Variants in ABCA13 observed in about 807,000 individuals in gnomAD.
ABCA13 encodes ATP-binding cassette sub-family A member 13.
In ABCA13, 476 loss-of-function variants were observed where a neutral mutation model predicts 478.7. The observed-to-expected ratio is 0.99, with a 90% CI of 0.92 to 1.07. The LOEUF is 1.07. Among genes scored for constraint, ABCA13 ranks in the 50% least tolerant of loss-of-function variants. The pLI is 0.00. For synonymous variants in ABCA13, 2,252 were observed against 2,158.9 expected (o/e 1.04, Z -1.20); for missense variants, 6,060 against 5,910.6 (o/e 1.03, Z -0.83).
chr7:48,371,147 T>G (rs1296727312), intron 32 of ABCA13, among the ~76,000 whole-genome samples: 4 of 152,216 alleles, frequency 2.6e-5, no homozygotes, highest in Non-Finnish European at 5.9e-5. Context: ...TGTGTCTGTT[T>G]TTGCTCCAGT....
chr7:48,226,644 T>C (rs899215603), intron 5 of ABCA13, among the ~76,000 whole-genome samples: 1 of 152,172 alleles, frequency 6.6e-6, no homozygotes, highest in African/African-American at 2.4e-5. Flanking sequence ...TGGGATGTCA[T>C]GGAGCATTGG....
chr7:48,371,900 A>G (rs1023470483), intron 32 of ABCA13, among the ~76,000 whole-genome samples: 12 of 152,178 alleles, frequency 7.9e-5, no homozygotes, highest in African/African-American at 2.9e-4. Context: ...GCTTTTGTCC[A>G]TTCAGTATGA....
At chr7:48,460,595 G>A (rs537398629) in intron 43 of ABCA13, among the ~76,000 whole-genome samples, 68 of 152,262 alleles carry the variant, frequency 4.5e-4, no homozygotes, top group East Asian at 4.2e-3. Flanking sequence ...AACTCATTCC[G>A]AATAAGATCA....
chr7:48,195,722 C>G (rs1797836493), intron 2 of ABCA13, among the ~76,000 whole-genome samples: 8 of 152,048 alleles, frequency 5.3e-5, no homozygotes, highest in Admixed American at 5.2e-4. Flanking sequence ...AGAACATAGG[C>G]CTCAAGAAGA....
chr7:48,616,071 T>C (rs2131570743), intron 59 of ABCA13, among the ~76,000 whole-genome samples: 1 of 122,428 alleles, frequency 8.2e-6, no homozygotes, highest in Non-Finnish European at 1.7e-5. Context: ...TTGTTTAACC[T>C]GTCATTCTAT....
At chr7:48,329,301 T>G (rs879837284) in intron 27 of ABCA13, among the ~76,000 whole-genome samples, 1 of 152,200 alleles carries the variant, frequency 6.6e-6, no homozygotes, top group Admixed American at 6.5e-5. Context: ...TTTGAAGGCT[T>G]GGAATTTGGT....
chr7:48,564,422 A>C (rs1786810905), intron 55 of ABCA13, among the ~76,000 whole-genome samples: 1 of 150,434 alleles, frequency 6.6e-6, no homozygotes, highest in African/African-American at 2.5e-5. Context: ...TGATAGCTGT[A>C]GTTTCAACTT....
intron 3 of ABCA13, among the ~76,000 whole-genome samples, chr7:48,203,296 C>T (rs1179611587): frequency 6.6e-6 from 1 of 152,224 alleles, no homozygotes; most frequent in African/African-American, 2.4e-5. Flanking sequence ...TCGCGCCTCT[C>T]CCTCCACACC....
chr7:48,471,378 C>A, intron 44 of ABCA13, among the ~76,000 whole-genome samples, 152 bp from the exon 45 acceptor site: 1 of 152,194 alleles, frequency 6.6e-6, no homozygotes, highest in East Asian at 1.9e-4. Flanking sequence ...ACAGCTCAAG[C>A]TGTGAAAACA....
chr7:48,273,055 A>G lies in ABCA13; in HGVS notation c.3389A>G (p.Asn1130Ser). 2 of 1,613,498 alleles carry G rather than the reference A, an allele frequency of 1.2e-6. No individual in the cohort carries two copies. The highest frequency in any genetic ancestry group is 2.2e-5 in the South Asian group (2 of 91,068). The change falls in exon 17 of 62, where the codon AAC (asparagine) becomes AGC (serine). Residue 1130 changes from asparagine (N) to serine (S), a missense_variant. By Grantham distance (46) the Asn-to-Ser change is conservative. Transcript: ENST00000435803. Reference sequence around the variant, plus strand: ...TTTCCATTGGCACAAATTTTTTCAAACCTCTCAGCAAATGTCAGTGTGTTC... The same window carrying G: ...TTTCCATTGGCACAAATTTTTTCAAGCCTCTCAGCAAATGTCAGTGTGTTC... Reference protein sequence around the residue: ...FVFPLAQIFSNLSANVSVFNK... With the variant: ...FVFPLAQIFSSLSANVSVFNK...
At chr7:48,359,413 T>C (rs561461763) in intron 31 of ABCA13, among the ~76,000 whole-genome samples, 1 of 152,064 alleles carries the variant, frequency 6.6e-6, no homozygotes, top group African/African-American at 2.4e-5. Context: ...GCTGGCTGTG[T>C]TGTGCGGAAG....
At chr7:48,558,547 C>T (rs896925610) in intron 55 of ABCA13, among the ~76,000 whole-genome samples, 21 of 152,142 alleles carry the variant, frequency 1.4e-4, no homozygotes, top group African/African-American at 4.6e-4. Flanking sequence ...ATCTACCTGC[C>T]TTGGCCTCCC....
intron 35 of ABCA13, among the ~76,000 whole-genome samples, chr7:48,377,912 C>T (rs1328540146): frequency 6.6e-6 from 1 of 152,158 alleles, no homozygotes; most frequent in Admixed American, 6.5e-5. Flanking sequence ...GCAACAAAGT[C>T]TACTCTCTGC....
intron 55 of ABCA13, among the ~76,000 whole-genome samples, chr7:48,569,706 G>A (rs1036072136): frequency 2.0e-5 from 3 of 152,062 alleles, no homozygotes; most frequent in Admixed American, 6.6e-5. Flanking sequence ...TGCATTTTTG[G>A]TAGAGAGTGT....
chr7:48,229,167 T>C (rs1214831382), intron 6 of ABCA13, among the ~76,000 whole-genome samples: 1 of 152,180 alleles, frequency 6.6e-6, no homozygotes, highest in East Asian at 1.9e-4. Context: ...AATGCAGATA[T>C]ATTCCAACTT....
chr7:48,441,311 A>C (rs749188492), intron 42 of ABCA13, among the ~76,000 whole-genome samples: 4 of 152,196 alleles, frequency 2.6e-5, no homozygotes, highest in Admixed American at 6.5e-5. Context: ...AATTTCTAGA[A>C]TAGCCATTTA....
At chr7:48,626,965 G>A (rs73096418) in intron 59 of ABCA13, 37,503 of 985,324 alleles carry the variant, frequency 0.038, 941 homozygotes, top group East Asian at 0.22. Context: ...TGGTTGAGAC[G>A]GAGGAATAAG....
At chr7:48,291,791 T>A (rs1051997200) in intron 20 of ABCA13, among the ~76,000 whole-genome samples, 1 of 152,162 alleles carries the variant, frequency 6.6e-6, no homozygotes, top group African/African-American at 2.4e-5. Flanking sequence ...CCACTCCACC[T>A]GCTCAGTCCG....
intron 15 of ABCA13, among the ~76,000 whole-genome samples, chr7:48,268,744 T>C (rs1370870179): frequency 6.6e-6 from 1 of 152,118 alleles, no homozygotes; most frequent in Non-Finnish European, 1.5e-5. Context: ...TCTCGCTCTG[T>C]TGTTTACTGC....
Sources: gnomAD v4.1 joint callset for allele counts (sites outside exome capture counted in the v4.1 genomes callset) on GRCh38, gnomAD v4.1.1 for gene constraint, MANE v1.5 for transcripts, NCBI Gene and HGNC (gene_info 2026-07-23, HGNC 2026-07-21) for gene names.